Variants in TFAP4 observed in about 807,000 individuals in gnomAD.
TFAP4 encodes activating enhancer-binding protein 4.
Under a neutral mutation model 40.4 loss-of-function variants are expected in TFAP4, and 7 were observed. That is an observed-to-expected ratio of 0.17 (90% CI 0.10 to 0.33). The LOEUF (loss-of-function observed/expected upper bound fraction) is 0.33, where lower values mean the gene tolerates loss of function less well. Ranked by LOEUF, TFAP4 falls within the 10% of genes least tolerant of loss-of-function variation. The pLI is 1.00. For synonymous variants in TFAP4, 218 were observed against 181.4 expected, an observed-to-expected ratio of 1.20 and a Z score of -1.62; for missense variants, 374 against 451.1, an observed-to-expected ratio of 0.83 and a Z score of 1.55.
chr16:4,262,154 CACCGCACTTG>C, intron 3 of TFAP4, 160 bp downstream of exon 3: 2 of 916,090 alleles, frequency 2.2e-6, no homozygotes, highest in South Asian at 3.2e-5. Context: ...GAGCCCACTC[CACCGCACTTG>C]ACCGATGGGG....
chr16:4,270,982 A>G (rs1307826855), intron 1 of TFAP4, among the ~76,000 whole-genome samples: 3 of 152,354 alleles, frequency 2.0e-5, no homozygotes, highest in South Asian at 4.1e-4. Flanking sequence ...TGACTCATAG[A>G]AAGATTATGA....
chr16:4,260,010 C>A, intron 6 of TFAP4, 80 bp downstream of exon 6: 2 of 1,472,104 alleles, frequency 1.4e-6, no homozygotes, highest in South Asian at 1.3e-5. Context: ...CCGCTTCTGC[C>A]CCTCTTTTCC....
chr16:4,272,553 G>A (rs1332243480), intron 1 of TFAP4, 105 bp downstream of exon 1: 11 of 758,310 alleles, frequency 1.5e-5, no homozygotes, highest in Non-Finnish European at 1.9e-5. Flanking sequence ...AAAGGCTAGC[G>A]GGGTCGGCGG....
Position 4,257,953 on chromosome 16 carries a change from C to A in TFAP4, c.*102G>T, listed in dbSNP as rs911886064. 1 of 1,156,776 alleles carries A rather than the reference C, an allele frequency of 8.6e-7. No individual in the cohort carries two copies. Among genetic ancestry groups the A allele is most frequent in the Non-Finnish European group, 1.2e-6 (1 of 828,206 alleles). 71.7% of individuals were successfully genotyped at this position (1,156,776 alleles called of 1,614,324 possible). On this transcript the variant is annotated 3_prime_UTR_variant, in exon 7 of 7. Coordinates refer to ENST00000204517, the MANE Select transcript of TFAP4 (RefSeq NM_003223.3). ...GTCATAAAAGAGACCCAAATGACAT[C>A]GTAATTTTGTAAAAATTTCTCACTC...
intron 6 of TFAP4, among the ~76,000 whole-genome samples, 193 bp downstream of exon 6, chr16:4,259,897 T>C (rs1352752543): frequency 6.6e-6 from 1 of 152,226 alleles, no homozygotes; most frequent in Non-Finnish European, 1.5e-5. Flanking sequence ...TGGTAGGCCC[T>C]GCCCCGATCT....
chr16:4,258,091 G>A lies in TFAP4; in HGVS notation c.981C>T (p.Ser327=), dbSNP rs1176836294. ...EASDSDAMDQ[S]REEPSGDGEL... ...CCCCGTCCCCCGACGGCTCCTCCCG[G>A]CTCTGGTCCATGGCGTCACTGTCTG... Residue 327 remains serine (S), a synonymous_variant, in exon 7 of 7, where the codon AGC becomes AGT. Coordinates refer to ENST00000204517, the MANE Select transcript of TFAP4 (RefSeq NM_003223.3). The A allele has an allele frequency of 6.2e-7, 1 of 1,613,390 alleles. No individual in the cohort carries two copies. The highest frequency in any genetic ancestry group is 1.1e-5 in the South Asian group (1 of 91,068).
intron 4 of TFAP4, 29 bp from the exon 5 acceptor site, chr16:4,260,624 C>T (rs771000874): frequency 1.9e-6 from 3 of 1,564,534 alleles, no homozygotes; most frequent in Non-Finnish European, 2.6e-6. Context: ...GGGCTCAGGG[C>T]CAAGGCCGGG....
intron 6 of TFAP4, 64 bp downstream of exon 6, chr16:4,260,026 C>T: frequency 6.5e-7 from 1 of 1,542,872 alleles, no homozygotes. Flanking sequence ...TTTCCAGTCT[C>T]CCCTAAAGAG....
At chr16:4,265,101 A>G (rs889638778) in intron 1 of TFAP4, 1 of 152,156 alleles carries the variant, frequency 6.6e-6, no homozygotes, top group Non-Finnish European at 1.5e-5. Context: ...GTTTTTGGCG[A>G]GAATTTTCTC....
In TFAP4 at chr16:4,272,662, A is replaced by G. The variant is rs1465498459; in HGVS notation, c.85T>C (p.Cys29Arg). Residue 29 changes from cysteine (C) to arginine (R), a missense_variant, in exon 1 of 7, where the codon TGT (cysteine) becomes CGT (arginine). By Grantham distance (180) the Cys-to-Arg change is radical. Transcript: ENST00000204517. The part of the protein sequence containing the change: ...KTEKEVIGGL[C>R]SLANIPLTPE... ...GGGGGGAGGAGGAGTACACACCTAC[A>G]GAGCCCTCCTATCACTTCTTTCTCT... 2 of 1,611,310 alleles carry G rather than the reference A, an allele frequency of 1.2e-6. No homozygotes were observed. Among genetic ancestry groups the G allele is most frequent in the South Asian group, 2.2e-5 (2 of 90,834 alleles).
chr16:4,265,237 G>A (rs971111879), intron 1 of TFAP4: 3 of 152,354 alleles, frequency 2.0e-5, no homozygotes, highest in Non-Finnish European at 4.4e-5. Context: ...CCCAGAGCAG[G>A]TGTCAGGCCA....
At chr16:4,262,245 A>G in intron 3 of TFAP4, 79 bp downstream of exon 3, 2 of 1,480,438 alleles carry the variant, frequency 1.4e-6, no homozygotes, top group Non-Finnish European at 1.9e-6. Flanking sequence ...GCCTGCAGCC[A>G]CACCTGAGTC....
rs1223172851 is a variant in TFAP4 at position 4,272,914 on chromosome 16, G to T, written c.-168C>A. ...GGGGAGGGAGGCGGGCGGGAGGGGC[G>T]GGAGGGAGGTCTCTCCGGCCTGCCT... On this transcript the variant is annotated 5_prime_UTR_variant, in exon 1 of 7. Transcript: ENST00000204517. The T allele has an allele frequency of 1.8e-6, 1 of 565,312 alleles. No individual in the cohort carries two copies. Among genetic ancestry groups the T allele is most frequent in the Admixed American group, 2.8e-5 (1 of 35,310 alleles). The allele number at this position is 565,312 out of a possible 1,614,324, so 35.0% of individuals were successfully genotyped here. A position where few individuals can be genotyped will look rare whatever the true frequency, so the allele number is the denominator to read the frequency against.
chr16:4,261,781 G>T lies in TFAP4; in HGVS notation c.523C>A (p.Gln175Lys). 1 of 1,603,914 alleles carries T rather than the reference G, an allele frequency of 6.2e-7. No individual in the cohort carries two copies. Among genetic ancestry groups the T allele is most frequent in the Non-Finnish European group, 8.5e-7 (1 of 1,176,030 alleles). ...CCCAGCAGAGGGCGCTGCCTCACCT[G>T]CTCCTCCAGCATCATGCGCACCGAG... is the stretch of plus-strand genomic sequence containing the variant. ...ERSVRMMLEE[Q>K]VRSLEAHMYP... Residue 175 changes from glutamine to lysine, a missense_variant and splice_region_variant, in exon 4 of 7, where the codon CAG becomes AAG. Transcript: ENST00000204517.
rs1266186319 is a variant in TFAP4, at chr16:4,258,149, G to A, written c.923C>T (p.Pro308Leu). 1.2e-6 allele frequency: 2 copies of A among 1,613,994 alleles called. No homozygotes were observed. The highest frequency in any genetic ancestry group is 1.7e-6 in the Non-Finnish European group (2 of 1,179,990). ...GGAGTCGGAGGCGGTGTCAGAGGTG[G>A]GGGCCTCCGGGCAGCTGCGGACAGG... ...VKPVRSCPEA[P>L]TSDTASDSEA... Residue 308 changes from proline to leucine, a missense_variant, in exon 7 of 7, where the codon CCC (proline) becomes CTC (leucine). Transcript: ENST00000204517.
intron 1 of TFAP4, 73 bp from the exon 2 acceptor site, chr16:4,262,774 A>C (rs1597313009): frequency 1.3e-6 from 2 of 1,526,300 alleles, no homozygotes; most frequent in Non-Finnish European, 1.8e-6. Context: ...GCCCCAGTGG[A>C]AACTGCATCC....
intron 1 of TFAP4, chr16:4,263,695 A>C (rs1270776466): frequency 6.6e-6 from 1 of 152,304 alleles, no homozygotes; most frequent in African/African-American, 2.4e-5. Context: ...GGCTCCCACC[A>C]TGCTGTGGGG....
rs150365616 is a variant in TFAP4, at chr16:4,267,214, A to G, written c.90-4513T>C. On this transcript the variant is annotated intron_variant, in intron 1 of 6. Transcript: ENST00000204517. ...ACGCCCGGCTAATTTTTGTATTTTT[A>G]GTAGAGATGGGGTTTCACCATGTTG... 1.0e-2 allele frequency: 1,517 copies of G among 152,436 alleles called. 14 individuals are homozygous for G. Among genetic ancestry groups the G allele is most frequent in the Non-Finnish European group, 0.018 (1,219 of 68,126 alleles). The allele number at this position is 152,436 out of a possible 1,614,324, so 9.4% of individuals were successfully genotyped here.
intron 5 of TFAP4, 87 bp downstream of exon 5, chr16:4,260,368 C>T (rs1306940467): frequency 5.3e-6 from 8 of 1,507,798 alleles, no homozygotes; most frequent in East Asian, 4.6e-5. Flanking sequence ...GCAGAGAGGA[C>T]GTGGCCTAGG....
Sources: allele counts gnomAD v4.1 joint callset (sites outside exome capture counted in the v4.1 genomes callset), GRCh38; gene constraint gnomAD v4.1.1; transcripts MANE v1.5; gene names NCBI Gene and HGNC (gene_info 2026-07-23, HGNC 2026-07-21).